IL4I1: variants seen among roughly 807,000 people sequenced by gnomAD.
IL4I1 encodes L-amino-acid oxidase.
Under a neutral mutation model 29.7 loss-of-function variants are expected in IL4I1, and 24 were observed. The ratio of observed to expected loss-of-function variants is 0.81; its 90% confidence interval spans 0.59 to 1.14. The LOEUF (loss-of-function observed/expected upper bound fraction) is 1.14. Among genes scored for constraint, IL4I1 ranks in the 50% most tolerant of loss-of-function variants. The pLI is 0.00. For missense variants in IL4I1, 686 were observed against 785.6 expected, an observed-to-expected ratio of 0.87 and a Z score of 1.52; for synonymous variants, 371 against 352.5, an observed-to-expected ratio of 1.05 and a Z score of -0.59.
intron 2 of IL4I1, among the ~76,000 whole-genome samples, chr19:49,910,299 C>A (rs750606495): frequency 3.3e-5 from 5 of 151,962 alleles, no homozygotes; most frequent in African/African-American, 1.2e-4. Flanking sequence ...AGGGTGTGAG[C>A]GGATCAGCTC....
intron 2 of IL4I1, among the ~76,000 whole-genome samples, chr19:49,910,166 C>T (rs935857402): frequency 1.2e-4 from 18 of 152,104 alleles, no homozygotes; most frequent in Admixed American, 9.2e-4. Context: ...GGACCTTGGA[C>T]CCACCTCAGC....
At chr19:49,915,539 C>G (rs1417121833) in intron 2 of IL4I1, among the ~76,000 whole-genome samples, 1 of 152,226 alleles carries the variant, frequency 6.6e-6, no homozygotes, top group East Asian at 1.9e-4. Context: ...AAAATACATT[C>G]GTGTTGCTTT....
At chr19:49,923,138 G>A (rs551903831) in intron 2 of IL4I1, among the ~76,000 whole-genome samples, 2 of 152,286 alleles carry the variant, frequency 1.3e-5, no homozygotes, top group South Asian at 4.1e-4. Flanking sequence ...CACAAGGGAG[G>A]GAAGGGGCTC....
upstream of IL4I1, among the ~76,000 whole-genome samples, chr19:49,901,326 G>T (rs1330588527): frequency 6.6e-6 from 1 of 152,214 alleles, no homozygotes; most frequent in Admixed American, 6.5e-5. Flanking sequence ...AGAGGTTGCG[G>T]TGAGCCGAGA....
At chr19:49,890,740 C>T (rs2075124402) in intron 7 of IL4I1, 140 bp from the exon 8 acceptor site, 2 of 868,258 alleles carry the variant, frequency 2.3e-6, no homozygotes, top group Non-Finnish European at 3.4e-6. Flanking sequence ...CGACCCCGCC[C>T]GTCCCTGACA....
rs755405812 is a variant in IL4I1, at chr19:49,909,174, CTGTGGG to C, written c.-227-4859_-227-4854del. The C allele has an allele frequency of 1.8e-5, 29 of 1,613,584 alleles. No homozygotes were observed. The highest frequency in any genetic ancestry group is 2.3e-5 in the Non-Finnish European group (27 of 1,179,788). Reference sequence around the variant, plus strand: ...CTGGGCCCAGTGCTGGTGATGGTGGCTGTGGGTGTGGGAGCAGCTGGCTGTGTGGCA... The same window carrying C: ...CTGGGCCCAGTGCTGGTGATGGTGGCTGTGGGAGCAGCTGGCTGTGTGGCA... On this transcript the variant is annotated intron_variant, in intron 2 of 9. Coordinates refer to the IL4I1 transcript ENST00000341114.
At chr19:49,893,007 G>A (rs59466564) in intron 5 of IL4I1, among the ~76,000 whole-genome samples, 2,780 of 152,226 alleles carry the variant, frequency 0.018, 92 homozygotes, top group African/African-American at 0.063. Flanking sequence ...AAGGGAGGGT[G>A]ATACACAGGT....
intron 2 of IL4I1, among the ~76,000 whole-genome samples, chr19:49,919,167 A>C (rs1244043082): frequency 1.3e-5 from 2 of 152,222 alleles, no homozygotes; most frequent in East Asian, 3.9e-4. Flanking sequence ...AAAACAAACT[A>C]ACTCATTTTG....
At position 49,891,324 on chromosome 19, in the gene IL4I1, C is replaced by A. The variant is rs534358374; in HGVS notation, c.636+81G>T. ...GGTGGCAGGACTAGGGTGCCAGGTA[C>A]CCGCCTTCTGACTCTCTGGGGAAGG... On this transcript the variant is annotated intron_variant, in intron 6 of 7. Coordinates refer to ENST00000391826, the MANE Select transcript of IL4I1 (RefSeq NM_152899.2). The A allele has an allele frequency of 6.6e-6, 10 of 1,512,468 alleles. No individual in the cohort carries two copies. In the South Asian group the frequency reaches 1.1e-4, roughly 17 times the overall value. 93.7% of individuals were successfully genotyped at this position (1,512,468 alleles called of 1,614,324 possible). A position where few individuals can be genotyped will look rare whatever the true frequency, so the allele number is the denominator to read the frequency against.
In IL4I1 at chr19:49,891,192, CA is replaced by C. The variant is rs1360091870; in HGVS notation, c.637-86del. On this transcript the variant is annotated intron_variant, in intron 6 of 7. Coordinates refer to ENST00000391826, the MANE Select transcript of IL4I1 (RefSeq NM_152899.2). ...CCTCCGCAGCTGGGCCTCCTGGTCC[CA>C]TGACATGTCCTTGGACCGTAGGATC... The C allele has an allele frequency of 4.5e-6, 7 of 1,541,568 alleles. No individual in the cohort carries two copies. The Middle Eastern group carries it at 5.4e-4, about 118-fold the overall frequency.
At chr19:49,905,267 C>T (rs1364496360) in intron 2 of IL4I1, among the ~76,000 whole-genome samples, 1 of 152,080 alleles carries the variant, frequency 6.6e-6, no homozygotes, top group Non-Finnish European at 1.5e-5. Flanking sequence ...ATTGTGTGGC[C>T]CCTGCCAACG....
At chr19:49,918,191 C>T (rs969756484) in intron 2 of IL4I1, among the ~76,000 whole-genome samples, 14 of 151,964 alleles carry the variant, frequency 9.2e-5, no homozygotes, top group Admixed American at 2.6e-4. Context: ...CCTAGCCTCC[C>T]GTTAGCTGGG....
chr19:49,926,967 C>T (rs2122781893), intron 2 of IL4I1, among the ~76,000 whole-genome samples: 1 of 151,916 alleles, frequency 6.6e-6, no homozygotes, highest in South Asian at 2.1e-4. Flanking sequence ...TCAAGTGATC[C>T]TCCTGCCTTA....
intron 2 of IL4I1, among the ~76,000 whole-genome samples, chr19:49,925,154 G>A (rs538498825): frequency 1.3e-5 from 2 of 152,054 alleles, no homozygotes; most frequent in East Asian, 1.9e-4. Context: ...CTAGCTACTC[G>A]GGAGGCTGAG....
upstream of IL4I1, among the ~76,000 whole-genome samples, chr19:49,899,562 G>GT (rs1380309441): frequency 2.2e-3 from 321 of 146,634 alleles, 9 homozygotes; most frequent in African/African-American, 7.8e-3. Flanking sequence ...TGTTTTTTTT[G>GT]TTTTTTTTAA....
At position 49,894,298 on chromosome 19, in the gene IL4I1, G is replaced by C; in HGVS notation, c.537C>G (p.Pro179=). The change falls in exon 5 of 8, where the codon CCC becomes CCG. Residue 179 remains proline, a synonymous_variant. Transcript: ENST00000391826. ...TGAGAGCCATCTGGTAGATGTCTTCGGGCGAGTGGCCCTTTTCCTGGGGAC... is the reference window on the plus strand; with the variant it reads ...TGAGAGCCATCTGGTAGATGTCTTCCGGCGAGTGGCCCTTTTCCTGGGGAC... ...ALRPQEKGHS[P]EDIYQMALNQ... is the part of the protein sequence containing the mutation. 1 of 1,614,020 alleles carries C rather than the reference G, an allele frequency of 6.2e-7. No homozygotes were observed. The highest frequency in any genetic ancestry group is 1.6e-4 in the Middle Eastern group (1 of 6,062).
intron 1 of IL4I1, chr19:49,928,332 A>C (rs921165651): frequency 5.9e-5 from 9 of 152,208 alleles, no homozygotes; most frequent in Non-Finnish European, 1.0e-4. Flanking sequence ...CCTGGCTAAC[A>C]CAGTGAAACC....
At chr19:49,922,247 C>T (rs2075783048) in intron 2 of IL4I1, among the ~76,000 whole-genome samples, 1 of 152,198 alleles carries the variant, frequency 6.6e-6, no homozygotes, top group Admixed American at 6.5e-5. Context: ...ATTGAGGTGC[C>T]CTGCGAGTCC....
chr19:49,891,254 G>T, intron 6 of IL4I1, 147 bp from the exon 7 acceptor site: 1 of 1,421,826 alleles, frequency 7.0e-7, no homozygotes, highest in Non-Finnish European at 9.7e-7. Context: ...GGAAACGGAG[G>T]TCCAGACAGG....
Sources: allele counts gnomAD v4.1 joint callset (sites outside exome capture counted in the v4.1 genomes callset), GRCh38; gene constraint gnomAD v4.1.1; transcripts MANE v1.5; gene names NCBI Gene and HGNC (gene_info 2026-07-23, HGNC 2026-07-21).